Variants in BMPR1A observed in about 807,000 individuals in gnomAD.
BMPR1A encodes bone morphogenetic protein receptor type-1A.
A neutral mutation model predicts 66.0 loss-of-function variants in BMPR1A; 7 were observed. That is an observed-to-expected ratio of 0.11 (90% confidence interval 0.06 to 0.20). BMPR1A has a LOEUF of 0.20. Among genes scored for constraint, BMPR1A ranks in the 10% least tolerant of loss-of-function variants. The pLI is 1.00. For synonymous variants in BMPR1A, 200 were observed against 229.7 expected (o/e 0.87, Z 1.17); for missense variants, 408 against 669.1 (o/e 0.61, Z 4.31).
At chr10:86,784,873 A>G (rs1333405028) in intron 1 of BMPR1A, among the ~76,000 whole-genome samples, 1 of 151,664 alleles carries the variant, frequency 6.6e-6, no homozygotes, top group Non-Finnish European at 1.5e-5. Context: ...TTCTGATTTT[A>G]ATTATTTGAG....
rs1372997248 is a variant in BMPR1A, at chr10:86,911,176, AT to A, written c.531-1062del. Among the ~76,000 whole-genome samples the A allele has an allele frequency of 2.8e-3, 418 of 150,760 alleles. 5 individuals carry two copies. The highest frequency in any genetic ancestry group is 9.8e-3 in the African/African-American group (399 of 40,748). On this transcript the variant is annotated intron_variant, in intron 7 of 12. Transcript: ENST00000372037. ...TCTCAAAAAAAAAAAAAAAAAAAAA[AT>A]TAAACCTTGAGAACATATTTCTTGA...
At chr10:86,773,651 C>G (rs1369789882) in intron 1 of BMPR1A, among the ~76,000 whole-genome samples, 2 of 149,882 alleles carry the variant, frequency 1.3e-5, no homozygotes, top group African/African-American at 4.9e-5. Context: ...AATCTAAAAC[C>G]TCTAGCAGAA....
At chr10:86,889,836 T>A in intron 3 of BMPR1A, 2 of 538,918 alleles carry the variant, frequency 3.7e-6, no homozygotes, top group Non-Finnish European at 6.5e-6. Flanking sequence ...AGTGCAAAAA[T>A]TGTGATATAG....
intron 3 of BMPR1A, among the ~76,000 whole-genome samples, chr10:86,882,681 C>T (rs1490609798): frequency 6.7e-6 from 1 of 150,148 alleles, no homozygotes. Context: ...AAAAAAAGAC[C>T]CAACACGGTG....
intron 2 of BMPR1A, among the ~76,000 whole-genome samples, chr10:86,860,245 G>A (rs1287569828): frequency 6.6e-6 from 1 of 151,930 alleles, no homozygotes; most frequent in Non-Finnish European, 1.5e-5. Context: ...GAATTAAGAA[G>A]AACTACAAGT....
At chr10:86,885,898 T>C (rs1168497732) in intron 3 of BMPR1A, among the ~76,000 whole-genome samples, 1 of 152,162 alleles carries the variant, frequency 6.6e-6, no homozygotes. Context: ...GGAATAAAAA[T>C]CTAGTAAAAT....
chr10:86,783,809 G>T (rs11517198), intron 1 of BMPR1A, among the ~76,000 whole-genome samples: 1 of 152,124 alleles, frequency 6.6e-6, no homozygotes, highest in Non-Finnish European at 1.5e-5. Context: ...AGCTGGTCTC[G>T]AAGTGCTGGA....
intron 1 of BMPR1A, among the ~76,000 whole-genome samples, chr10:86,806,539 T>C (rs1841891150): frequency 6.6e-6 from 1 of 152,140 alleles, no homozygotes; most frequent in African/African-American, 2.4e-5. Context: ...TCCATTTCGT[T>C]CAATGAGTTA....
At chr10:86,868,724 G>C (rs1429559262) in intron 2 of BMPR1A, among the ~76,000 whole-genome samples, 2 of 151,380 alleles carry the variant, frequency 1.3e-5, no homozygotes, top group East Asian at 3.9e-4. Flanking sequence ...GGAAGAGGAA[G>C]GAATGACTTT....
At chr10:86,765,485 A>C (rs1293865348) in intron 1 of BMPR1A, among the ~76,000 whole-genome samples, 1 of 113,728 alleles carries the variant, frequency 8.8e-6, no homozygotes, top group Admixed American at 7.8e-5. Context: ...CTCTGTCTCA[A>C]AAAAAAAAAA....
intron 2 of BMPR1A, among the ~76,000 whole-genome samples, chr10:86,840,547 C>G (rs1232585400): frequency 6.6e-6 from 1 of 151,882 alleles, no homozygotes; most frequent in Non-Finnish European, 1.5e-5. Context: ...TATGTCTTTC[C>G]TAGTCTCATG....
chr10:86,783,623 C>G (rs1231193732), intron 1 of BMPR1A, among the ~76,000 whole-genome samples: 1 of 152,190 alleles, frequency 6.6e-6, no homozygotes, highest in Non-Finnish European at 1.5e-5. Context: ...GGATCTCGTT[C>G]TGTCACCCAG....
intron 1 of BMPR1A, among the ~76,000 whole-genome samples, chr10:86,776,044 C>T (rs1465861886): frequency 6.6e-6 from 1 of 152,188 alleles, no homozygotes; most frequent in Non-Finnish European, 1.5e-5. Flanking sequence ...TATTTGCCTT[C>T]TTGTTCTTAA....
At chr10:86,919,562 G>A (rs1843630088) in intron 10 of BMPR1A, 93 bp downstream of exon 10, 3 of 1,509,360 alleles carry the variant, frequency 2.0e-6, no homozygotes, top group East Asian at 2.3e-5. Flanking sequence ...TTCTAAAAAT[G>A]TGCATATGCT....
intron 1 of BMPR1A, among the ~76,000 whole-genome samples, chr10:86,774,964 C>G (rs942523045): frequency 1.3e-5 from 2 of 152,166 alleles, no homozygotes; most frequent in African/African-American, 2.4e-5. Flanking sequence ...GCAAACCCAA[C>G]GGGTAAAATA....
At chr10:86,919,627 A>G (rs557949562) in intron 10 of BMPR1A, among the ~76,000 whole-genome samples, 158 bp downstream of exon 10, 1 of 152,000 alleles carries the variant, frequency 6.6e-6, no homozygotes, top group East Asian at 1.9e-4. Context: ...TTTTACAAAA[A>G]TTGTGTCCTA....
chr10:86,929,557 C>T (rs1053250714), downstream of BMPR1A: 13 of 152,202 alleles, frequency 8.5e-5, no homozygotes, highest in African/African-American at 3.1e-4. Context: ...GATTATTGTT[C>T]CTCAAAAGAA....
intron 9 of BMPR1A, among the ~76,000 whole-genome samples, chr10:86,918,684 C>T (rs1293733453): frequency 6.7e-6 from 1 of 149,006 alleles, no homozygotes; most frequent in Non-Finnish European, 1.5e-5. Context: ...AGTGCAGTGG[C>T]GCCATCTTGG....
chr10:86,919,517 A>G (rs1343392763), intron 10 of BMPR1A, 48 bp downstream of exon 10: 16 of 1,598,390 alleles, frequency 1.0e-5, no homozygotes, highest in Non-Finnish European at 1.3e-5. Context: ...TAATTTCCAA[A>G]AGATATTTCC....
Sources: gnomAD v4.1 joint callset for allele counts (sites outside exome capture counted in the v4.1 genomes callset) on GRCh38, gnomAD v4.1.1 for gene constraint, MANE v1.5 for transcripts, NCBI Gene and HGNC (gene_info 2026-07-23, HGNC 2026-07-21) for gene names.